The following WWP1 variants were observed in gnomAD, a reference collection of about 807,000 sequenced individuals.
WWP1 encodes the protein NEDD4-like E3 ubiquitin-protein ligase WWP1.
Under a neutral mutation model 130.6 loss-of-function variants are expected in WWP1, and 49 were observed. That is an observed-to-expected ratio of 0.38 (90% CI 0.30 to 0.48). The LOEUF is 0.48. WWP1 is among the 20% of genes least tolerant of loss of function. WWP1 has a pLI of 0.99. For synonymous variants in WWP1, 332 were observed against 367.8 expected (o/e 0.90, Z 1.11); for missense variants, 809 against 1,100.6 (o/e 0.74, Z 3.75).
At position 86,448,435 on chromosome 8, in the gene WWP1, G is replaced by A. The variant is rs1810999805; in HGVS notation, c.2195G>A (p.Gly732Glu). 1 of 1,613,540 alleles carries A rather than the reference G, an allele frequency of 6.2e-7. No individual in the cohort carries two copies. Among genetic ancestry groups the A allele is most frequent in the Admixed American group, 1.7e-5 (1 of 60,000 alleles). Residue 732 changes from glycine to glutamate, a missense_variant, in exon 20 of 25, where the codon GGA becomes GAA. Gly to Glu is a moderately conservative substitution (Grantham distance 98). Coordinates refer to ENST00000517970, the MANE Select transcript of WWP1 (RefSeq NM_007013.4). ...TTTTCTGTTGACATGGAGATTTTGG[G>A]AAAAGTTACTTCACATGACCTGAAG... Reference protein sequence around the residue: ...MYFSVDMEILGKVTSHDLKLG... With the variant: ...MYFSVDMEILEKVTSHDLKLG...
Position 86,398,432 on chromosome 8 carries a change from T to A in WWP1, c.425T>A (p.Leu142Ter). ...GAATTGACAGTTGTGCTTGATGGAT[T>A]GGTGATTGAGCAAGAAAATATAACA... is the stretch of plus-strand genomic sequence containing the variant. The part of the protein sequence containing the change: ...TGELTVVLDG[L>*]VIEQENITNC... Residue 142 changes from leucine (L) to a stop codon, truncating the protein, a stop_gained, in exon 6 of 25, where the codon TTG becomes TAG. Transcript: ENST00000517970. LOFTEE classifies it high-confidence loss of function. 1 of 1,612,888 alleles carries A rather than the reference T, an allele frequency of 6.2e-7. No individual in the cohort carries two copies. Among genetic ancestry groups the A allele is most frequent in the Non-Finnish European group, 8.5e-7 (1 of 1,179,242 alleles).
At chr8:86,410,110 T>A (rs1157236355) in intron 8 of WWP1, among the ~76,000 whole-genome samples, 1 of 152,186 alleles carries the variant, frequency 6.6e-6, no homozygotes, top group African/African-American at 2.4e-5. Context: ...ATGATGTTAG[T>A]CTATAGTCTT....
chr8:86,355,625 A>T (rs1008957333), intron 1 of WWP1, among the ~76,000 whole-genome samples: 1 of 152,182 alleles, frequency 6.6e-6, no homozygotes, highest in Non-Finnish European at 1.5e-5. Flanking sequence ...TTCCCAGAAT[A>T]CGTGGAAATT....
intron 1 of WWP1, among the ~76,000 whole-genome samples, chr8:86,348,086 A>G (rs951168310): frequency 6.6e-6 from 1 of 152,232 alleles, no homozygotes; most frequent in African/African-American, 2.4e-5. Context: ...CAATTCATAC[A>G]TTTAAACAAC....
At chr8:86,465,186 A>G (rs1291250123) in intron 24 of WWP1, among the ~76,000 whole-genome samples, 1 of 152,234 alleles carries the variant, frequency 6.6e-6, no homozygotes, top group African/African-American at 2.4e-5. Context: ...GGATTAGAGC[A>G]TGAAACAAGT....
In WWP1 at chr8:86,394,933, T is replaced by TAAAAAA. The variant is rs10694206; in HGVS notation, c.335-3392_335-3387dup. ...CAAAAAGGTAGAGGGCTGTTCTTCT[T>TAAAAAA]AAAAAAAAAAAAAAAAAAAAAAGCC... On this transcript the variant is annotated intron_variant, in intron 5 of 24. Coordinates refer to ENST00000517970, the MANE Select transcript of WWP1 (RefSeq NM_007013.4). Among the ~76,000 whole-genome samples, 12 of 76,412 alleles carry TAAAAAA rather than the reference T, an allele frequency of 1.6e-4. 1 individual carries two copies. Among genetic ancestry groups the TAAAAAA allele is most frequent in the Non-Finnish European group, 1.9e-4 (8 of 41,686 alleles). 50.1% of individuals were successfully genotyped at this position (76,412 alleles called of 152,430 possible). A position where few individuals can be genotyped will look rare whatever the true frequency, so the allele number is the denominator to read the frequency against.
chr8:86,439,242 G>C (rs534152320), intron 17 of WWP1, among the ~76,000 whole-genome samples: 37 of 151,904 alleles, frequency 2.4e-4, no homozygotes, highest in African/African-American at 4.1e-4. Context: ...ACTCGGGAGG[G>C]TAAGGCAGGA....
In WWP1 at chr8:86,403,738, C is replaced by T. The variant is rs1383157372; in HGVS notation, c.724+1535C>T. 1.0e-4 allele frequency among the ~76,000 whole-genome samples: 15 copies of T among 150,230 alleles called. No individual in the cohort carries two copies. The East Asian group carries it at 1.9e-3, about 19-fold the overall frequency. On this transcript the variant is annotated intron_variant, in intron 8 of 24. Coordinates refer to ENST00000517970, the MANE Select transcript of WWP1 (RefSeq NM_007013.4). ...AATTTAATTTCTTTAATAATGCTCC[C>T]CTTAAAAAAAAAAAAAGAAGTAGAC...
chr8:86,353,849 A>G lies in WWP1; in HGVS notation c.-115+10919A>G, dbSNP rs531784768. Among the ~76,000 whole-genome samples the G allele has an allele frequency of 8.5e-5, 13 of 152,300 alleles. No homozygotes were observed. In the South Asian group the frequency reaches 2.7e-3, roughly 32 times the overall value. On this transcript the variant is annotated intron_variant, in intron 1 of 24. Transcript: ENST00000517970. ...GAGCCCTTTCTTTTGAGGAAAAACA[A>G]CAGCCATCTCTTTTTGTCTATGCCC...
At chr8:86,381,372 ATTTC>A (rs1225261626) in intron 4 of WWP1, 129 bp from the exon 5 acceptor site, 10 of 1,131,528 alleles carry the variant, frequency 8.8e-6, no homozygotes, top group Non-Finnish European at 1.2e-5. Context: ...TTCATACAAT[ATTTC>A]TTCTCAAATA....
intron 9 of WWP1, among the ~76,000 whole-genome samples, chr8:86,422,637 T>C (rs1041604347): frequency 3.9e-5 from 6 of 151,970 alleles, no homozygotes; most frequent in Non-Finnish European, 7.4e-5. Context: ...CCTCCCAAAG[T>C]GCTGGGATTA....
chr8:86,450,904 G>A (rs894448085), intron 20 of WWP1, among the ~76,000 whole-genome samples: 1 of 151,908 alleles, frequency 6.6e-6, no homozygotes, highest in African/African-American at 2.4e-5. Flanking sequence ...AGGACATTAT[G>A]TATTAGACTA....
chr8:86,350,334 ATGAG>A (rs1192603269), intron 1 of WWP1, among the ~76,000 whole-genome samples: 9 of 152,204 alleles, frequency 5.9e-5, no homozygotes, highest in Non-Finnish European at 1.2e-4. Context: ...AATGAAGAAA[ATGAG>A]TGTTTAGTTT....
intron 8 of WWP1, among the ~76,000 whole-genome samples, chr8:86,405,397 A>G (rs987374960): frequency 1.5e-5 from 2 of 136,580 alleles, no homozygotes; most frequent in African/African-American, 5.5e-5. Context: ...AAGGCTATTT[A>G]TGGTTCTTAT....
At chr8:86,352,414 G>A (rs1469361886) in intron 1 of WWP1, among the ~76,000 whole-genome samples, 7 of 151,886 alleles carry the variant, frequency 4.6e-5, no homozygotes, top group Admixed American at 6.6e-5. Flanking sequence ...TAGTAGAGAC[G>A]GGATTTTACC....
intron 3 of WWP1, among the ~76,000 whole-genome samples, chr8:86,377,388 C>T (rs543513961): frequency 2.6e-4 from 39 of 152,096 alleles, no homozygotes; most frequent in African/African-American, 8.9e-4. Flanking sequence ...TGAGCCACCA[C>T]GCCCAGGCTT....
At position 86,466,934 on chromosome 8, in the gene WWP1, C is replaced by A; in HGVS notation, c.*41C>A. On this transcript the variant is annotated 3_prime_UTR_variant, in exon 25 of 25. Coordinates refer to ENST00000517970, the MANE Select transcript of WWP1 (RefSeq NM_007013.4). Reference sequence around the variant, plus strand: ...TTGGAGGAGCTCTTGCATTTAAATACCCCAGCCAAGAAAAATTGCACAGAT... The same window carrying A: ...TTGGAGGAGCTCTTGCATTTAAATAACCCAGCCAAGAAAAATTGCACAGAT... The A allele has an allele frequency of 6.7e-7, 1 of 1,485,008 alleles. No individual in the cohort carries two copies. Among genetic ancestry groups the A allele is most frequent in the Non-Finnish European group, 9.3e-7 (1 of 1,073,724 alleles). 92.0% of individuals were successfully genotyped at this position (1,485,008 alleles called of 1,614,324 possible). A position where few individuals can be genotyped will look rare whatever the true frequency, so the allele number is the denominator to read the frequency against.
chr8:86,447,410 G>T (rs1007983678), intron 18 of WWP1, among the ~76,000 whole-genome samples: 20 of 152,104 alleles, frequency 1.3e-4, no homozygotes, highest in Non-Finnish European at 2.1e-4. Flanking sequence ...GGGACTACAG[G>T]CGCGTGCCAC....
At chr8:86,363,467 A>G (rs1248578222) in intron 1 of WWP1, among the ~76,000 whole-genome samples, 1 of 151,976 alleles carries the variant, frequency 6.6e-6, no homozygotes, top group Non-Finnish European at 1.5e-5. Flanking sequence ...ATGGCTTCCC[A>G]TAAGTTTTTT....
Sources: gnomAD v4.1 joint callset for allele counts (sites outside exome capture counted in the v4.1 genomes callset) on GRCh38, gnomAD v4.1.1 for gene constraint, MANE v1.5 for transcripts, NCBI Gene and HGNC (gene_info 2026-07-23, HGNC 2026-07-21) for gene names.